Variants in HS3ST3A1 observed in about 807,000 individuals in gnomAD.
HS3ST3A1 encodes heparan sulfate glucosamine 3-O-sulfotransferase 3A1.
In HS3ST3A1, 19 loss-of-function variants were observed where a neutral mutation model predicts 25.7. The ratio of observed to expected loss-of-function variants is 0.74; its 90% confidence interval spans 0.52 to 1.08. HS3ST3A1 has a LOEUF of 1.08. Ranked by LOEUF, HS3ST3A1 falls within the 50% of genes least tolerant of loss-of-function variation. HS3ST3A1 has a pLI of 0.00. For missense variants in HS3ST3A1, 459 were observed against 594.3 expected (o/e 0.77, Z 2.37); for synonymous variants, 226 against 278.6 (o/e 0.81, Z 1.88).
At chr17:13,561,979 C>T (rs1907562160) in intron 1 of HS3ST3A1, among the ~76,000 whole-genome samples, 2 of 152,198 alleles carry the variant, frequency 1.3e-5, no homozygotes, top group South Asian at 2.1e-4. Flanking sequence ...TCACTGGGCC[C>T]AGGAGCTTAG....
chr17:13,601,355 A>C lies in HS3ST3A1; in HGVS notation c.-226T>G, dbSNP rs1396832353. 2 of 489,578 alleles carry C rather than the reference A, an allele frequency of 4.1e-6. No homozygotes were observed. The highest frequency in any genetic ancestry group is 7.1e-5 in the East Asian group (2 of 28,000). The allele number at this position is 489,578 out of a possible 1,614,324, so 30.3% of individuals were successfully genotyped here. Reference sequence around the variant, plus strand: ...CCTGCCTCCAGTCGAGGGAGCGGGAAGGGGAACGCGGGTCCGTGCTTAAGA... The same window carrying C: ...CCTGCCTCCAGTCGAGGGAGCGGGACGGGGAACGCGGGTCCGTGCTTAAGA... On this transcript the variant is annotated 5_prime_UTR_variant, in exon 1 of 2. Coordinates refer to ENST00000284110, the MANE Select transcript of HS3ST3A1 (RefSeq NM_006042.3).
At chr17:13,507,545 T>A (rs1248315306) in intron 1 of HS3ST3A1, among the ~76,000 whole-genome samples, 3 of 152,180 alleles carry the variant, frequency 2.0e-5, no homozygotes, top group African/African-American at 7.2e-5. Flanking sequence ...TACCTATCCA[T>A]CTCTGAATGC....
intron 1 of HS3ST3A1, among the ~76,000 whole-genome samples, chr17:13,508,036 AGAG>A (rs1905740687): frequency 6.6e-6 from 1 of 152,150 alleles, no homozygotes; most frequent in Non-Finnish European, 1.5e-5. Context: ...CTTCTGTGGG[AGAG>A]GAAGACTTAT....
intron 1 of HS3ST3A1, among the ~76,000 whole-genome samples, chr17:13,557,707 GA>G (rs1207697029): frequency 6.6e-6 from 1 of 152,210 alleles, no homozygotes; most frequent in Non-Finnish European, 1.5e-5. Context: ...GGCCAAGCTT[GA>G]AGCCATCTCC....
chr17:13,495,837 A>G lies in HS3ST3A1; in HGVS notation c.*360T>C, dbSNP rs984665576. On this transcript the variant is annotated 3_prime_UTR_variant, in exon 2 of 2. Transcript: ENST00000284110. Reference sequence around the variant, plus strand: ...AAAAGGGAGAAAAATATAAGGATAGATATCAATTTTATCAGGGCCTTGTAT... The same window carrying G: ...AAAAGGGAGAAAAATATAAGGATAGGTATCAATTTTATCAGGGCCTTGTAT... The G allele has an allele frequency of 1.1e-5, 2 of 175,326 alleles. No homozygotes were observed. The highest frequency in any genetic ancestry group is 1.5e-4 in the East Asian group (1 of 6,482). The allele number at this position is 175,326 out of a possible 1,614,324, so 10.9% of individuals were successfully genotyped here.
chr17:13,571,255 ACT>A (rs1175970053), intron 1 of HS3ST3A1, among the ~76,000 whole-genome samples: 1 of 151,968 alleles, frequency 6.6e-6, no homozygotes, highest in Non-Finnish European at 1.5e-5. Context: ...CCCCCGAAAT[ACT>A]CTGTGTGACG....
chr17:13,573,877 C>T (rs1244667966), intron 1 of HS3ST3A1, among the ~76,000 whole-genome samples: 21 of 152,182 alleles, frequency 1.4e-4, no homozygotes, highest in Admixed American at 1.1e-3. Context: ...TCTCTGCTCT[C>T]TCTGATATGT....
chr17:13,591,410 G>C (rs1279849032), intron 1 of HS3ST3A1, among the ~76,000 whole-genome samples: 8 of 152,020 alleles, frequency 5.3e-5, no homozygotes. Flanking sequence ...GTTTTTAGTG[G>C]TTATTGTTAT....
At chr17:13,578,875 G>T (rs967228417) in intron 1 of HS3ST3A1, among the ~76,000 whole-genome samples, 1 of 152,092 alleles carries the variant, frequency 6.6e-6, no homozygotes, top group South Asian at 2.1e-4. Context: ...ATTCAAAATA[G>T]ATGTTGATTT....
At chr17:13,521,737 T>C (rs924673190) in intron 1 of HS3ST3A1, among the ~76,000 whole-genome samples, 7 of 152,218 alleles carry the variant, frequency 4.6e-5, no homozygotes, top group Non-Finnish European at 1.0e-4. Context: ...AGAAGAACTT[T>C]ATCATATTGT....
intron 1 of HS3ST3A1, among the ~76,000 whole-genome samples, chr17:13,563,363 T>C (rs1409157215): frequency 6.6e-6 from 1 of 152,106 alleles, no homozygotes; most frequent in Non-Finnish European, 1.5e-5. Context: ...TTCAGTTACC[T>C]GGAGGGTCTG....
chr17:13,506,622 A>T (rs1203863884), intron 1 of HS3ST3A1, among the ~76,000 whole-genome samples: 7 of 152,248 alleles, frequency 4.6e-5, no homozygotes, highest in Non-Finnish European at 1.0e-4. Flanking sequence ...CTAACTTGAC[A>T]TATCCCTAAG....
chr17:13,570,302 G>A (rs1398469920), intron 1 of HS3ST3A1, among the ~76,000 whole-genome samples: 1 of 146,988 alleles, frequency 6.8e-6, no homozygotes, highest in African/African-American at 2.7e-5. Flanking sequence ...CTTGAACTAA[G>A]TAACTACTAC....
At chr17:13,526,574 C>A (rs1161796384) in intron 1 of HS3ST3A1, among the ~76,000 whole-genome samples, 1 of 143,202 alleles carries the variant, frequency 7.0e-6, no homozygotes, top group Non-Finnish European at 1.5e-5. Flanking sequence ...ATATATTCTC[C>A]TCACCTGAGG....
At chr17:13,524,588 A>T (rs1297767667) in intron 1 of HS3ST3A1, among the ~76,000 whole-genome samples, 1 of 152,096 alleles carries the variant, frequency 6.6e-6, no homozygotes, top group Non-Finnish European at 1.5e-5. Context: ...TTGTTTTTCC[A>T]ATTGCTCTGG....
At chr17:13,577,628 C>G (rs1386622148) in intron 1 of HS3ST3A1, among the ~76,000 whole-genome samples, 1 of 151,976 alleles carries the variant, frequency 6.6e-6, no homozygotes, top group East Asian at 1.9e-4. Context: ...TGGAGGAAAC[C>G]AACAGAAATC....
At chr17:13,543,097 T>C (rs1230439801) in intron 1 of HS3ST3A1, among the ~76,000 whole-genome samples, 1 of 152,204 alleles carries the variant, frequency 6.6e-6, no homozygotes, top group Non-Finnish European at 1.5e-5. Context: ...TCCTTTGTAA[T>C]ATCCTTTGTA....
intron 1 of HS3ST3A1, among the ~76,000 whole-genome samples, chr17:13,521,220 T>C (rs1567613172): frequency 2.0e-5 from 3 of 152,224 alleles, no homozygotes; most frequent in Non-Finnish European, 1.5e-5. Flanking sequence ...CCTTTGCTAA[T>C]TGCTTCTTTC....
At chr17:13,588,689 A>ATTT (rs56739289) in intron 1 of HS3ST3A1, among the ~76,000 whole-genome samples, 1 of 147,014 alleles carries the variant, frequency 6.8e-6, no homozygotes, top group African/African-American at 2.5e-5. Context: ...ATGTAGTTCC[A>ATTT]TTTTTTTTTT....
Sources: allele counts gnomAD v4.1 joint callset (sites outside exome capture counted in the v4.1 genomes callset), GRCh38; gene constraint gnomAD v4.1.1; transcripts MANE v1.5; gene names NCBI Gene and HGNC (gene_info 2026-07-23, HGNC 2026-07-21).